The following LONP2 variants were observed in gnomAD, a reference collection of about 807,000 sequenced individuals.
The protein encoded by LONP2 is lon protease homolog 2, peroxisomal.
In LONP2, 60 loss-of-function variants were observed where a neutral mutation model predicts 85.6. That is an observed-to-expected ratio of 0.70 (90% confidence interval 0.57 to 0.87). The LOEUF is 0.87. LONP2 is among the 40% of genes least tolerant of loss of function. The pLI, the probability that LONP2 is intolerant of heterozygous loss-of-function variation, is 0.00. For synonymous variants in LONP2, 395 were observed against 389.7 expected (o/e 1.01, Z -0.16); for missense variants, 860 against 1,063.5 (o/e 0.81, Z 2.66).
intron 12 of LONP2, among the ~76,000 whole-genome samples, chr16:48,341,883 C>G (rs946794178): frequency 1.3e-5 from 2 of 152,158 alleles, no homozygotes; most frequent in Non-Finnish European, 2.9e-5. Context: ...AGAACTGCCC[C>G]GAATCCGAGG....
chr16:48,247,044 T>C (rs74195158), intron 1 of LONP2, among the ~76,000 whole-genome samples: 911 of 152,346 alleles, frequency 6.0e-3, no homozygotes, highest in African/African-American at 0.021. Context: ...AGAAAACATA[T>C]ATTGAAAAGT....
intron 8 of LONP2, among the ~76,000 whole-genome samples, chr16:48,279,916 C>T (rs1258854637): frequency 6.6e-6 from 1 of 152,080 alleles, no homozygotes; most frequent in East Asian, 1.9e-4. Context: ...GGACATGTGT[C>T]TTATTAAGCA....
Position 48,354,879 on chromosome 16 carries a change from G to GTT in LONP2, c.*3078_*3079dup, listed in dbSNP as rs979455258. ...CTCCAACTTTTTATTATTTGCAACAGTTAGCTTTCTTTGTTTCACATCTCT... is the reference window on the plus strand; with the variant it reads ...CTCCAACTTTTTATTATTTGCAACAGTTTTAGCTTTCTTTGTTTCACATCTCT... On this transcript the variant is annotated 3_prime_UTR_variant, in exon 15 of 15. Transcript: ENST00000285737. 2 of 151,828 alleles carry GTT rather than the reference G, an allele frequency of 1.3e-5. No homozygotes were observed. The highest frequency in any genetic ancestry group is 4.9e-5 in the African/African-American group (2 of 41,134). 9.4% of individuals were successfully genotyped at this position (151,828 alleles called of 1,614,324 possible). A position where few individuals can be genotyped will look rare whatever the true frequency, so the allele number is the denominator to read the frequency against.
rs1960307230 is a variant in LONP2 at position 48,355,480 on chromosome 16, G to GA, written c.*3681dup. On this transcript the variant is annotated 3_prime_UTR_variant, in exon 15 of 15. Coordinates refer to ENST00000285737, the MANE Select transcript of LONP2 (RefSeq NM_031490.5). Reference sequence around the variant, plus strand: ...GGCTTCTCAGTCTTCACAACTATGAGAAATAAATTCGTACTTTTAAATTAC... The same window carrying GA: ...GGCTTCTCAGTCTTCACAACTATGAGAAAATAAATTCGTACTTTTAAATTAC... 1 of 152,168 alleles carries GA rather than the reference G, an allele frequency of 6.6e-6. No individual in the cohort carries two copies. Among genetic ancestry groups the GA allele is most frequent in the East Asian group, 1.9e-4 (1 of 5,194 alleles). 9.4% of individuals were successfully genotyped at this position (152,168 alleles called of 1,614,324 possible).
chr16:48,315,954 C>T, intron 11 of LONP2, among the ~76,000 whole-genome samples: 1 of 145,912 alleles, frequency 6.9e-6, no homozygotes, highest in Non-Finnish European at 1.5e-5. Context: ...TCTTAATTAC[C>T]ATATTGTAAT....
At chr16:48,294,695 C>T (rs1186338733) in intron 8 of LONP2, among the ~76,000 whole-genome samples, 8 of 152,262 alleles carry the variant, frequency 5.3e-5, no homozygotes, top group Admixed American at 5.2e-4. Context: ...GACCATGCCA[C>T]TGCACCTCAA....
chr16:48,340,417 A>C (rs545020597), intron 12 of LONP2, among the ~76,000 whole-genome samples: 11 of 152,314 alleles, frequency 7.2e-5, no homozygotes, highest in African/African-American at 2.4e-4. Context: ...ATCACCAAAA[A>C]ATCCCCATTG....
intron 9 of LONP2, among the ~76,000 whole-genome samples, chr16:48,296,421 C>T (rs1972672150): frequency 6.6e-6 from 1 of 152,146 alleles, no homozygotes; most frequent in Non-Finnish European, 1.5e-5. Context: ...AGACATTCTT[C>T]TTTAGTATAA....
At chr16:48,267,607 C>CTTTG (rs374338875) in intron 6 of LONP2, among the ~76,000 whole-genome samples, 216 of 151,622 alleles carry the variant, frequency 1.4e-3, no homozygotes, top group African/African-American at 4.9e-3. Flanking sequence ...GCCTAAATAT[C>CTTTG]TTTGTTTGTT....
Position 48,362,379 on chromosome 16 carries a change from G to A in LONP2, c.*516G>A. On this transcript the variant is annotated 3_prime_UTR_variant, in exon 5 of 5. Coordinates refer to the LONP2 transcript ENST00000565867. This position sits in a 1 kb window ranked among gnomAD's most constrained non-coding sequence, Gnocchi z 4.2. ...CAGGGCAGGCACCCTCTGGGATGGT[G>A]GACACTTCGAGGTACCGGTAGGTAA... 6.2e-7 allele frequency: 1 copy of A among 1,614,122 alleles called. No individual in the cohort carries two copies. The highest frequency in any genetic ancestry group is 1.6e-4 in the Middle Eastern group (1 of 6,062).
At chr16:48,360,379 A>G (rs1436293318), downstream of LONP2, among the ~76,000 whole-genome samples, 6 of 145,452 alleles carry the variant, frequency 4.1e-5, no homozygotes. Flanking sequence ...TCCAGAGGCC[A>G]TATACCCAGT....
chr16:48,263,322 T>G lies in LONP2; in HGVS notation c.982+450T>G, dbSNP rs531647102. The stretch of plus-strand genomic sequence containing the variant: ...TTTATCTTGCATAAGTGAAACTTTG[T>G]TCCCTTTAACCATCACCTCCCATTT... On this transcript the variant is annotated intron_variant, in intron 6 of 14. Transcript: ENST00000285737. Among the ~76,000 whole-genome samples the G allele has an allele frequency of 3.9e-5, 6 of 152,346 alleles. No individual in the cohort carries two copies. In the South Asian group the frequency reaches 6.2e-4, roughly 16 times the overall value.
At chr16:48,298,626 G>GGGGT (rs565121093) in intron 9 of LONP2, among the ~76,000 whole-genome samples, 4,666 of 134,364 alleles carry the variant, frequency 0.035, 101 homozygotes, top group Middle Eastern at 0.058. Context: ...ATTTAATTGA[G>GGGGT]GTGTGTGTGT....
chr16:48,270,444 C>T (rs1431016958), intron 7 of LONP2, among the ~76,000 whole-genome samples, 170 bp downstream of exon 7: 2 of 152,128 alleles, frequency 1.3e-5, no homozygotes, highest in African/African-American at 4.8e-5. Flanking sequence ...AGCCTCTAAG[C>T]GTAATGATAA....
In LONP2 at chr16:48,362,452, G is replaced by C. The variant is rs1960629485; in HGVS notation, c.*589G>C. ...ATTTCTGAAATAAATACATAAGGAGGCAGGAGAAAAATAATTATAACCATG... is the reference window on the plus strand; with the variant it reads ...ATTTCTGAAATAAATACATAAGGAGCCAGGAGAAAAATAATTATAACCATG... On this transcript the variant is annotated 3_prime_UTR_variant, in exon 5 of 5. Coordinates refer to the LONP2 transcript ENST00000565867. This position sits in a 1 kb window ranked among gnomAD's most constrained non-coding sequence, Gnocchi z 4.2. 1.2e-6 allele frequency: 2 copies of C among 1,609,014 alleles called. No individual in the cohort carries two copies. Among genetic ancestry groups the C allele is most frequent in the South Asian group, 2.2e-5 (2 of 90,496 alleles).
chr16:48,293,927 G>A (rs1261477623), intron 8 of LONP2, among the ~76,000 whole-genome samples: 1 of 150,198 alleles, frequency 6.7e-6, no homozygotes, highest in African/African-American at 2.5e-5. Context: ...TACCTAAACA[G>A]TTTGTTTGTT....
At chr16:48,339,800 G>A (rs1959763639) in intron 12 of LONP2, among the ~76,000 whole-genome samples, 3 of 152,224 alleles carry the variant, frequency 2.0e-5, no homozygotes, top group African/African-American at 4.8e-5. Context: ...TGGGGCTAAC[G>A]TGTGTGAGCT....
chr16:48,302,334 C>G (rs1334094800), intron 10 of LONP2, among the ~76,000 whole-genome samples: 1 of 152,172 alleles, frequency 6.6e-6, no homozygotes, highest in Non-Finnish European at 1.5e-5. Context: ...TTTTATCTGT[C>G]TTTTCTCAGA....
At chr16:48,316,272 G>A (rs115776197) in intron 11 of LONP2, among the ~76,000 whole-genome samples, 12,160 of 149,448 alleles carry the variant, frequency 0.081, 531 homozygotes, top group Middle Eastern at 0.11. Flanking sequence ...CTGCCAAAGT[G>A]CAAAGTGCTG....
Sources: gnomAD v4.1 joint callset for allele counts (sites outside exome capture counted in the v4.1 genomes callset) on GRCh38, gnomAD v4.1.1 for gene constraint, Gnocchi (gnomAD v3.1) non-coding constraint, MANE v1.5 for transcripts, NCBI Gene and HGNC (gene_info 2026-07-23, HGNC 2026-07-21) for gene names.